The following DHX57 variants were observed in gnomAD, a reference collection of about 807,000 sequenced individuals.
DHX57 encodes the protein putative ATP-dependent RNA helicase DHX57.
Under a neutral mutation model 156.2 loss-of-function variants are expected in DHX57, and 105 were observed. The observed-to-expected ratio is 0.67, with a 90% CI of 0.57 to 0.79. DHX57 has a LOEUF of 0.79. Among genes scored for constraint, DHX57 ranks in the 30% least tolerant of loss-of-function variants. The probability of loss-of-function intolerance (pLI) is 0.00; values close to 1 mark genes in which losing one functional copy is unlikely to be tolerated. For missense variants in DHX57, 1,847 were observed against 1,661.9 expected, an observed-to-expected ratio of 1.11 and a Z score of -1.94; for synonymous variants, 704 against 595.6, an observed-to-expected ratio of 1.18 and a Z score of -2.65.
intron 16 of DHX57, among the ~76,000 whole-genome samples, chr2:38,823,747 C>T (rs1015792692): frequency 2.6e-5 from 4 of 152,146 alleles, no homozygotes; most frequent in African/African-American, 9.7e-5. Flanking sequence ...CGCAGTGGCT[C>T]ACGTCTGTAA....
chr2:38,798,366 T>A lies in DHX57; in HGVS notation c.4094A>T (p.Asp1365Val), dbSNP rs764067755. ...LQDKIKNPSI[D>V]LCTCPRGSRI... ...GGATCCTCGAGGACACGTACACAGATCAATGCTTGGGTTTTTAATTTTATC... is the reference window on the plus strand; with the variant it reads ...GGATCCTCGAGGACACGTACACAGAACAATGCTTGGGTTTTTAATTTTATC... Residue 1365 changes from aspartate (D) to valine (V), a missense_variant, in exon 24 of 24, where the codon GAT (aspartate) becomes GTT (valine). Asp to Val is a radical substitution (Grantham distance 152, BLOSUM62 -3). Coordinates refer to ENST00000457308, the MANE Select transcript of DHX57 (RefSeq NM_198963.3). 6.2e-7 allele frequency: 1 copy of A among 1,613,972 alleles called. No homozygotes were observed.
At chr2:38,813,942 T>A (rs777516184) in intron 20 of DHX57, 47 bp from the exon 21 acceptor site, 2 of 1,582,368 alleles carry the variant, frequency 1.3e-6, no homozygotes, top group East Asian at 4.6e-5. Flanking sequence ...TGGCTATTTC[T>A]TTTTTTTCTT....
chr2:38,853,216 C>T (rs994979594), intron 9 of DHX57: 2 of 90,114 alleles, frequency 2.2e-5, no homozygotes, highest in African/African-American at 3.2e-5. Flanking sequence ...AGGCATCACG[C>T]CTGGCTAATT....
intron 13 of DHX57, among the ~76,000 whole-genome samples, chr2:38,830,198 A>C (rs1239627014): frequency 6.6e-6 from 1 of 152,250 alleles, no homozygotes; most frequent in Non-Finnish European, 1.5e-5. Context: ...TAAATAAATG[A>C]GGAATCTGAA....
intron 13 of DHX57, among the ~76,000 whole-genome samples, chr2:38,835,775 C>T (rs890085016): frequency 6.6e-6 from 1 of 152,158 alleles, no homozygotes; most frequent in African/African-American, 2.4e-5. Flanking sequence ...AAGCCTAAAA[C>T]GATAAACTGA....
chr2:38,826,162 G>C, intron 15 of DHX57, 115 bp from the exon 16 acceptor site: 1 of 1,100,998 alleles, frequency 9.1e-7, no homozygotes, highest in Admixed American at 2.6e-5. Flanking sequence ...ACAGTGCCCT[G>C]TATATTCTGG....
chr2:38,855,206 G>C lies in DHX57; in HGVS notation c.1756C>G (p.Leu586Val). ...QIPQFILDDS[L>V]NGPPEKVANI... ...GCTACCTTCTCAGGTGGTCCATTCAGAGAATCATCCAGAATAAACTGCGGA... is the reference window on the plus strand; with the variant it reads ...GCTACCTTCTCAGGTGGTCCATTCACAGAATCATCCAGAATAAACTGCGGA... The change falls in exon 8 of 24, where the codon CTG (leucine) becomes GTG (valine). Residue 586 changes from leucine (L) to valine (V), a missense_variant. Leu to Val is a conservative substitution (Grantham distance 32). Transcript: ENST00000457308. 1 of 1,614,156 alleles carries C rather than the reference G, an allele frequency of 6.2e-7. No homozygotes were observed. The highest frequency in any genetic ancestry group is 8.5e-7 in the Non-Finnish European group (1 of 1,180,022).
At position 38,863,397 on chromosome 2, in the gene DHX57, C is replaced by G. The variant is rs535416668; in HGVS notation, c.347G>C (p.Arg116Pro). The G allele has an allele frequency of 6.2e-7, 1 of 1,613,540 alleles. No homozygotes were observed. The highest frequency in any genetic ancestry group is 2.2e-5 in the East Asian group (1 of 44,860). ...ATCAGCATCTTGTTCTTGCAGGTCT[C>G]GGAGAAGAGCTTTCACTTTCTCTTG... is the stretch of plus-strand genomic sequence containing the variant. ...ENQEKVKALL[R>P]DLQEQDADAG... Residue 116 changes from arginine to proline, a missense_variant, in exon 3 of 24, where the codon CGA becomes CCA. Transcript: ENST00000457308.
At chr2:38,858,135 C>T (rs1006827785) in intron 6 of DHX57, among the ~76,000 whole-genome samples, 1 of 152,196 alleles carries the variant, frequency 6.6e-6, no homozygotes. Context: ...AATCATGGCT[C>T]ACTGGAACCT....
At chr2:38,843,335 T>A in intron 11 of DHX57, 125 bp from the exon 12 acceptor site, 1 of 925,832 alleles carries the variant, frequency 1.1e-6, no homozygotes, top group Non-Finnish European at 1.6e-6. Context: ...ATGCCATCCT[T>A]CCACCAGTCC....
At chr2:38,847,841 T>C (rs886477509) in intron 10 of DHX57, among the ~76,000 whole-genome samples, 5 of 152,036 alleles carry the variant, frequency 3.3e-5, no homozygotes, top group Admixed American at 2.6e-4. Flanking sequence ...CCCAGCACTT[T>C]GGGAGGCCGA....
chr2:38,866,239 T>C (rs1450573874), intron 2 of DHX57, among the ~76,000 whole-genome samples: 2 of 152,228 alleles, frequency 1.3e-5, no homozygotes, highest in Non-Finnish European at 2.9e-5. Context: ...TAATGGCCCA[T>C]GAAGTCCTAT....
intron 2 of DHX57, among the ~76,000 whole-genome samples, chr2:38,866,535 C>T (rs761701862): frequency 2.0e-5 from 3 of 152,184 alleles, no homozygotes; most frequent in Non-Finnish European, 2.9e-5. Flanking sequence ...CTCTCCATAG[C>T]ATGCGGCACC....
chr2:38,855,050 T>G lies in DHX57; in HGVS notation c.1905+7A>C. 1 of 1,614,146 alleles carries G rather than the reference T, an allele frequency of 6.2e-7. No individual in the cohort carries two copies. The highest frequency in any genetic ancestry group is 8.5e-7 in the Non-Finnish European group (1 of 1,180,026). ...CTGTTACCAGGAAATAAGCAGAGCATACAAACCTTGACACTTTCTAACCGA... is the reference window on the plus strand; with the variant it reads ...CTGTTACCAGGAAATAAGCAGAGCAGACAAACCTTGACACTTTCTAACCGA... On this transcript the variant is annotated splice_region_variant and intron_variant, in intron 8 of 23. Transcript: ENST00000457308.
intron 6 of DHX57, among the ~76,000 whole-genome samples, chr2:38,857,967 A>G (rs555915113): frequency 7.5e-4 from 115 of 152,340 alleles, no homozygotes; most frequent in African/African-American, 2.6e-3. Flanking sequence ...GCATTGTCTC[A>G]AGTGATCCTC....
chr2:38,832,913 G>A (rs1044407158), intron 13 of DHX57, among the ~76,000 whole-genome samples: 4 of 151,272 alleles, frequency 2.6e-5, no homozygotes, highest in South Asian at 4.2e-4. Flanking sequence ...ATATTTACTC[G>A]GTACCTAAAT....
chr2:38,861,567 C>G lies in DHX57; in HGVS notation c.843G>C (p.Leu281=), dbSNP rs1673212444. 6.2e-7 allele frequency: 1 copy of G among 1,614,180 alleles called. No individual in the cohort carries two copies. Among genetic ancestry groups the G allele is most frequent in the African/African-American group, 1.3e-5 (1 of 75,046 alleles). The change falls in exon 5 of 24, where the codon CTG becomes CTC. Residue 281 remains leucine, a synonymous_variant. Coordinates refer to ENST00000457308, the MANE Select transcript of DHX57 (RefSeq NM_198963.3). ...GCTTGGATTTGCGGAATCTACTTGT[C>G]AGATACTCCAGTTCTAACCCAATGG... ...VWTIGLELEY[L]TSRFRKSKPK...
Position 38,818,538 on chromosome 2 carries a change from GCAAA to G in DHX57, c.3471+335_3471+338del, listed in dbSNP as rs201554073. ...ATGAGACTCTGTCACAAACAAACAA[GCAAA>G]CAAACAAACAAACAAATGAAAAAGA... is the stretch of plus-strand genomic sequence containing the variant. On this transcript the variant is annotated intron_variant, in intron 19 of 23. Transcript: ENST00000457308. Among the ~76,000 whole-genome samples the G allele has an allele frequency of 4.3e-3, 659 of 151,900 alleles. 7 individuals carry two copies. Among genetic ancestry groups the G allele is most frequent in the African/African-American group, 0.015 (615 of 41,450 alleles).
At chr2:38,818,357 T>A (rs1033488927) in intron 19 of DHX57, among the ~76,000 whole-genome samples, 1 of 152,024 alleles carries the variant, frequency 6.6e-6, no homozygotes, top group Non-Finnish European at 1.5e-5. Flanking sequence ...AAACCCCATC[T>A]CTACTAAAAA....
Sources: gnomAD v4.1 joint callset for allele counts (sites outside exome capture counted in the v4.1 genomes callset) on GRCh38, gnomAD v4.1.1 for gene constraint, MANE v1.5 for transcripts, NCBI Gene and HGNC (gene_info 2026-07-23, HGNC 2026-07-21) for gene names.